Variants in KIF27 observed in about 807,000 individuals in gnomAD.
KIF27 encodes the protein kinesin-like protein KIF27.
A neutral mutation model predicts 141.8 loss-of-function variants in KIF27; 84 were observed. That is an observed-to-expected ratio of 0.59 (90% CI 0.50 to 0.71). The LOEUF is 0.71. Among genes scored for constraint, KIF27 ranks in the 30% least tolerant of loss-of-function variants. KIF27 has a pLI of 0.00. For missense variants in KIF27, 1,306 were observed against 1,628.4 expected (o/e 0.80, Z 3.41); for synonymous variants, 471 against 569.5 (o/e 0.83, Z 2.46).
chr9:83,887,359 T>G (rs1952201919), intron 8 of KIF27, among the ~76,000 whole-genome samples, 163 bp from the exon 9 acceptor site: 1 of 152,222 alleles, frequency 6.6e-6, no homozygotes, highest in Admixed American at 6.5e-5. Context: ...CAATTGGGAC[T>G]CTAGCATTCC....
chr9:83,870,592 G>C lies in KIF27; in HGVS notation c.2684C>G (p.Pro895Arg), dbSNP rs777539862. 1 of 1,613,636 alleles carries C rather than the reference G, an allele frequency of 6.2e-7. No individual in the cohort carries two copies. Among genetic ancestry groups the C allele is most frequent in the Non-Finnish European group, 8.5e-7 (1 of 1,179,830 alleles). The change falls in exon 12 of 18, where the codon CCG (proline) becomes CGG (arginine). Residue 895 changes from proline to arginine, a missense_variant. By Grantham distance (103) the Pro-to-Arg change is moderately radical (BLOSUM62 -2). Coordinates refer to ENST00000297814, the MANE Select transcript of KIF27 (RefSeq NM_017576.4). ...LKTGQEEGLK[P>R]KAEDLDACNL... ...ACATGCATCAAGGTCCTCAGCTTTC[G>C]GTTTTAGACCTTCTTCCTGTCCTGT...
At chr9:83,848,601 T>C (rs1467340852) in intron 16 of KIF27, 5 of 146,758 alleles carry the variant, frequency 3.4e-5, no homozygotes, top group Non-Finnish European at 7.5e-5. Context: ...TATGAATATA[T>C]GCATATATGC....
Position 83,915,582 on chromosome 9 carries a change from T to A in KIF27, c.10A>T (p.Ile4Leu). The A allele has an allele frequency of 1.9e-6, 3 of 1,600,274 alleles. No homozygotes were observed. In the Admixed American group the frequency reaches 5.3e-5, roughly 28 times the overall value. Reference sequence around the variant, plus strand: ...ATTCTTACAGCAACTTTTACTGGTATTTCTTCCATGGCAACTTAGATTTTA... The same window carrying A: ...ATTCTTACAGCAACTTTTACTGGTAATTCTTCCATGGCAACTTAGATTTTA... Reference protein sequence around the residue: MEEIPVKVAVRIRP... With the variant: MEELPVKVAVRIRP... Residue 4 changes from isoleucine to leucine, a missense_variant, in exon 2 of 18, where the codon ATA becomes TTA. By Grantham distance (5) the Ile-to-Leu change is conservative (BLOSUM62 2). Coordinates refer to ENST00000297814, the MANE Select transcript of KIF27 (RefSeq NM_017576.4).
chr9:83,872,295 C>CA (rs1388037402), intron 11 of KIF27, among the ~76,000 whole-genome samples: 20 of 152,226 alleles, frequency 1.3e-4, no homozygotes, highest in Non-Finnish European at 2.9e-5. Flanking sequence ...GCCTAGGTGA[C>CA]AGAGTGAGAC....
In KIF27 at chr9:83,835,011, T is replaced by G. The variant is rs564678681; in HGVS notation, c.*1990A>C. Among the ~76,000 whole-genome samples the G allele has an allele frequency of 2.3e-4, 34 of 149,006 alleles. No individual in the cohort carries two copies. Among genetic ancestry groups the G allele is most frequent in the Admixed American group, 5.4e-4 (8 of 14,930 alleles). Reference sequence around the variant, plus strand: ...TCAACAAAGCACAGCAATAATATATTTAAATAAATATGTATTTATTAACAA... The same window carrying G: ...TCAACAAAGCACAGCAATAATATATGTAAATAAATATGTATTTATTAACAA... On this transcript the variant is annotated 3_prime_UTR_variant, in exon 18 of 18. Transcript: ENST00000297814.
In KIF27 at chr9:83,916,048, G is replaced by GT. The variant is rs369779677; in HGVS notation, c.-87-371dup. Among the ~76,000 whole-genome samples the GT allele has an allele frequency of 3.3e-3, 508 of 152,098 alleles. 2 individuals are homozygous for GT. Among genetic ancestry groups the GT allele is most frequent in the African/African-American group, 0.011 (470 of 41,498 alleles). ...GAGATAAGTAAGGAACTGTACACAC[G>GT]TTTTTTTGTTTTTTGAGATGGAGTC... On this transcript the variant is annotated intron_variant, in intron 1 of 17. Coordinates refer to ENST00000297814, the MANE Select transcript of KIF27 (RefSeq NM_017576.4).
chr9:83,866,636 G>GAAA lies in KIF27; in HGVS notation c.2934+1047_2934+1048insTTT, dbSNP rs1950372340. Among the ~76,000 whole-genome samples, 3 of 152,174 alleles carry GAAA rather than the reference G, an allele frequency of 2.0e-5. No homozygotes were observed. In the East Asian group the frequency reaches 5.8e-4, roughly 29 times the overall value. On this transcript the variant is annotated intron_variant, in intron 13 of 17. Coordinates refer to ENST00000297814, the MANE Select transcript of KIF27 (RefSeq NM_017576.4). ...CTCATGCCTGTAATTCCAGCACTTT[G>GAAA]GGAGGCCAAGATGGGCGGATCACAA...
At chr9:83,897,407 T>C (rs1953380684) in intron 5 of KIF27, among the ~76,000 whole-genome samples, 1 of 152,136 alleles carries the variant, frequency 6.6e-6, no homozygotes, top group African/African-American at 2.4e-5. Flanking sequence ...CAAATGAATA[T>C]CTATATGTTT....
Position 83,899,870 on chromosome 9 carries a change from A to G in KIF27, c.1459-66T>C. On this transcript the variant is annotated intron_variant, in intron 4 of 17. Coordinates refer to ENST00000297814, the MANE Select transcript of KIF27 (RefSeq NM_017576.4). ...AATAATCAAGAAACCCCATATGATA[A>G]CACAAAAATGGTGATTTGATTATAG... is the stretch of plus-strand genomic sequence containing the variant. The G allele has an allele frequency of 2.9e-6, 4 of 1,378,486 alleles. No homozygotes were observed. The South Asian group carries it at 4.4e-5, about 15-fold the overall frequency. The allele number at this position is 1,378,486 out of a possible 1,614,324, so 85.4% of individuals were successfully genotyped here. A position where few individuals can be genotyped will look rare whatever the true frequency, so the allele number is the denominator to read the frequency against.
At chr9:83,885,557 T>C (rs1952025965) in intron 9 of KIF27, among the ~76,000 whole-genome samples, 2 of 152,144 alleles carry the variant, frequency 1.3e-5, no homozygotes, top group Non-Finnish European at 2.9e-5. Flanking sequence ...AACAAATCAT[T>C]TTGGACTATT....
chr9:83,875,476 G>A (rs1023465697), intron 11 of KIF27, among the ~76,000 whole-genome samples: 1 of 152,246 alleles, frequency 6.6e-6, no homozygotes, highest in East Asian at 1.9e-4. Flanking sequence ...TCAAAGAACA[G>A]ACTTGGGATT....
intron 6 of KIF27, 164 bp from the exon 7 acceptor site, chr9:83,889,417 A>G (rs1319128296): frequency 1.8e-6 from 1 of 551,318 alleles, no homozygotes; most frequent in African/African-American, 1.9e-5. Context: ...AATTAATTTA[A>G]CAATACTGTT....
At chr9:83,838,335 G>A (rs1946151710) in intron 17 of KIF27, among the ~76,000 whole-genome samples, 1 of 152,046 alleles carries the variant, frequency 6.6e-6, no homozygotes, top group Non-Finnish European at 1.5e-5. Context: ...CTGGGTTCAC[G>A]CCATTCTCCT....
At position 83,903,042 on chromosome 9, in the gene KIF27, T is replaced by C. The variant is rs754923372; in HGVS notation, c.1458+18A>G. On this transcript the variant is annotated intron_variant, in intron 4 of 17. Coordinates refer to ENST00000297814, the MANE Select transcript of KIF27 (RefSeq NM_017576.4). ...TCAATAAAATAAATAAATAAATAAA[T>C]AAGTGATGTCTAAGTACCTGGCATT... 1 of 1,436,638 alleles carries C rather than the reference T, an allele frequency of 7.0e-7. No individual in the cohort carries two copies. The highest frequency in any genetic ancestry group is 1.3e-5 in the South Asian group (1 of 78,678). 89.0% of individuals were successfully genotyped at this position (1,436,638 alleles called of 1,614,324 possible).
At chr9:83,874,444 G>A (rs960153982) in intron 11 of KIF27, among the ~76,000 whole-genome samples, 8 of 152,206 alleles carry the variant, frequency 5.3e-5, no homozygotes, top group African/African-American at 1.7e-4. Context: ...AAAAGAGACA[G>A]GAGTCTCAGA....
intron 17 of KIF27, among the ~76,000 whole-genome samples, chr9:83,839,189 G>A (rs1740610179): frequency 6.6e-6 from 1 of 152,236 alleles, no homozygotes; most frequent in Non-Finnish European, 1.5e-5. Context: ...TGCTCCCCAG[G>A]TGACAGTATC....
At chr9:83,900,834 T>A (rs1395102327) in intron 4 of KIF27, among the ~76,000 whole-genome samples, 1 of 151,792 alleles carries the variant, frequency 6.6e-6, no homozygotes, top group African/African-American at 2.4e-5. Context: ...TCCACCAGTT[T>A]CTTATACTAA....
intron 9 of KIF27, among the ~76,000 whole-genome samples, chr9:83,886,268 C>T (rs911172057): frequency 6.6e-6 from 1 of 152,144 alleles, no homozygotes; most frequent in African/African-American, 2.4e-5. Flanking sequence ...CTATGGATCT[C>T]ATTAAACAAG....
At position 83,837,185 on chromosome 9, in the gene KIF27, A is replaced by G. The variant is rs1377255524; in HGVS notation, c.4022T>C (p.Ile1341Thr). The G allele has an allele frequency of 6.2e-7, 1 of 1,614,176 alleles. No homozygotes were observed. The highest frequency in any genetic ancestry group is 1.1e-5 in the South Asian group (1 of 91,080). ...TCGTCCCACATTTCCCACAACCTGA[A>G]TTTGGGATGACAGTCGACTGTGAGA... is the stretch of plus-strand genomic sequence containing the variant. ...TKSHSRLSSQ[I>T]QVVGNVGRLH... Residue 1341 changes from isoleucine to threonine, a missense_variant, in exon 18 of 18, where the codon ATT becomes ACT. Around this residue, in one of 4 missense-constraint regions of KIF27, gnomAD observed 148 missense variants for 250.9 expected, o/e 0.59. Transcript: ENST00000297814.
Sources: gnomAD v4.1 joint callset for allele counts (sites outside exome capture counted in the v4.1 genomes callset) on GRCh38, gnomAD v4.1.1 for gene constraint, gnomAD v4.1.1 regional missense constraint, MANE v1.5 for transcripts, NCBI Gene and HGNC (gene_info 2026-07-23, HGNC 2026-07-21) for gene names.